CENPP: variants seen among roughly 807,000 people sequenced by gnomAD.
CENPP encodes the protein centromere protein P.
Under a neutral mutation model 35.6 loss-of-function variants are expected in CENPP, and 24 were observed. The ratio of observed to expected loss-of-function variants is 0.67; its 90% CI spans 0.49 to 0.95. The LOEUF (loss-of-function observed/expected upper bound fraction) is 0.95. CENPP is among the 40% of genes least tolerant of loss of function. The pLI is 0.00. For missense variants in CENPP, 332 were observed against 345.3 expected (o/e 0.96, Z 0.31); for synonymous variants, 120 against 125.5 (o/e 0.96, Z 0.29).
chr9:92,545,487 G>A (rs1007743151), intron 5 of CENPP, among the ~76,000 whole-genome samples: 2 of 152,138 alleles, frequency 1.3e-5, no homozygotes, highest in East Asian at 1.9e-4. Flanking sequence ...GCCTCCCCGC[G>A]GGGCAGGGCT....
chr9:92,450,241 C>G (rs933411095), intron 5 of CENPP, among the ~76,000 whole-genome samples: 1 of 123,754 alleles, frequency 8.1e-6, no homozygotes, highest in African/African-American at 3.0e-5. Context: ...GCTATCCCTC[C>G]CCCCTCCCCC....
chr9:92,422,110 G>A (rs973296684), intron 5 of CENPP, among the ~76,000 whole-genome samples: 3 of 151,956 alleles, frequency 2.0e-5, no homozygotes, highest in Non-Finnish European at 2.9e-5. Context: ...GAGTGCAGTG[G>A]CACAATCTCG....
intron 5 of CENPP, among the ~76,000 whole-genome samples, chr9:92,557,935 G>T (rs1324957099): frequency 3.3e-5 from 5 of 152,090 alleles, no homozygotes; most frequent in Non-Finnish European, 7.4e-5. Flanking sequence ...GAGCCACCGC[G>T]CCTGGCCTGC....
chr9:92,568,335 G>A (rs749121023), intron 5 of CENPP, among the ~76,000 whole-genome samples: 3 of 152,108 alleles, frequency 2.0e-5, no homozygotes, highest in Non-Finnish European at 2.9e-5. Flanking sequence ...AACATGCGGT[G>A]TTTGGTTTTC....
At chr9:92,517,663 T>C (rs1332269432) in intron 5 of CENPP, 1 of 1,613,560 alleles carries the variant, frequency 6.2e-7, no homozygotes, top group Non-Finnish European at 8.5e-7. Context: ...CACACTGATA[T>C]TTTGCTTAGC....
chr9:92,396,086 G>T (rs189083768), intron 5 of CENPP, among the ~76,000 whole-genome samples: 5 of 152,064 alleles, frequency 3.3e-5, no homozygotes, highest in African/African-American at 9.7e-5. Flanking sequence ...TCCTACAGTT[G>T]TCTGGTTCTT....
In CENPP at chr9:92,496,878, A is replaced by T. The variant is rs566316587; in HGVS notation, c.565-114436A>T. Among the ~76,000 whole-genome samples the T allele has an allele frequency of 1.1e-4, 17 of 152,312 alleles. 1 individual carries two copies. The highest frequency in any genetic ancestry group is 4.1e-4 in the African/African-American group (17 of 41,570). On this transcript the variant is annotated intron_variant, in intron 5 of 7. Transcript: ENST00000375587. ...AGGAAAATGGAAAATGCTCAGTTTC[A>T]TTCAGAAGAGAAATGTAAATTGAAA... is the stretch of plus-strand genomic sequence containing the variant.
intron 5 of CENPP, among the ~76,000 whole-genome samples, chr9:92,508,972 C>T (rs949140927): frequency 6.6e-6 from 1 of 151,878 alleles, no homozygotes; most frequent in Non-Finnish European, 1.5e-5. Context: ...CAGTCCTTGT[C>T]TCAAAAAAGT....
chr9:92,514,871 C>A, intron 5 of CENPP: 1 of 1,613,366 alleles, frequency 6.2e-7, no homozygotes, highest in Non-Finnish European at 8.5e-7. Context: ...TCATCCTCCT[C>A]CTCCTCCCTT....
At chr9:92,504,670 G>A (rs938486449) in intron 5 of CENPP, among the ~76,000 whole-genome samples, 4 of 152,006 alleles carry the variant, frequency 2.6e-5, no homozygotes, top group Admixed American at 6.6e-5. Flanking sequence ...GAGCAGCTAC[G>A]ACTACAGGTG....
At chr9:92,379,283 A>G (rs1842192474) in intron 4 of CENPP, among the ~76,000 whole-genome samples, 1 of 152,142 alleles carries the variant, frequency 6.6e-6, no homozygotes, top group Non-Finnish European at 1.5e-5. Context: ...TTAGCCCTCA[A>G]ATGATGTGTT....
chr9:92,528,523 C>G (rs760311114), intron 5 of CENPP, among the ~76,000 whole-genome samples: 2 of 149,168 alleles, frequency 1.3e-5, no homozygotes, highest in Non-Finnish European at 3.0e-5. Flanking sequence ...GGGAAAAGAA[C>G]TAACCTAAAG....
intron 2 of CENPP, among the ~76,000 whole-genome samples, chr9:92,336,680 C>T (rs1399631337): frequency 6.6e-6 from 1 of 152,006 alleles, no homozygotes; most frequent in Admixed American, 6.6e-5. Context: ...TAGGGAATAG[C>T]CTGGGAAAGG....
At chr9:92,373,669 T>C (rs1842060329) in intron 4 of CENPP, among the ~76,000 whole-genome samples, 1 of 151,914 alleles carries the variant, frequency 6.6e-6, no homozygotes, top group South Asian at 2.1e-4. Context: ...CTACTAAAAA[T>C]ACAAAATTTA....
chr9:92,417,032 T>C, intron 5 of CENPP: 2 of 1,614,052 alleles, frequency 1.2e-6, no homozygotes, highest in South Asian at 1.1e-5. Context: ...TGTCTGCAGT[T>C]TGGAGATTTC....
At chr9:92,349,789 G>A (rs1413136354) in intron 4 of CENPP, among the ~76,000 whole-genome samples, 1 of 152,082 alleles carries the variant, frequency 6.6e-6, no homozygotes, top group African/African-American at 2.4e-5. Context: ...ACATACACAT[G>A]CATTCATGCT....
At chr9:92,444,088 G>T (rs892583094) in intron 5 of CENPP, among the ~76,000 whole-genome samples, 1 of 152,030 alleles carries the variant, frequency 6.6e-6, no homozygotes, top group Non-Finnish European at 1.5e-5. Flanking sequence ...AAGTCAGTGG[G>T]GATAAGATCT....
At chr9:92,528,004 G>GT (rs1848520049) in intron 5 of CENPP, 1 of 151,708 alleles carries the variant, frequency 6.6e-6, no homozygotes, top group Non-Finnish European at 1.5e-5. Context: ...CGACCATGAT[G>GT]TAACTTCAGA....
intron 4 of CENPP, among the ~76,000 whole-genome samples, chr9:92,357,265 A>G (rs558541261): frequency 6.6e-6 from 1 of 151,652 alleles, no homozygotes; most frequent in East Asian, 1.9e-4. Context: ...ATTTCTTAAT[A>G]TGTCTTCAGG....
Sources: allele counts gnomAD v4.1 joint callset (sites outside exome capture counted in the v4.1 genomes callset), GRCh38; gene constraint gnomAD v4.1.1; transcripts MANE v1.5; gene names NCBI Gene and HGNC (gene_info 2026-07-23, HGNC 2026-07-21).